Variants in ZNF8 observed in about 807,000 individuals in gnomAD.
ZNF8 encodes the protein zinc finger protein 8, also known as zinc finger protein 272.
In ZNF8, 9 loss-of-function variants were observed where a neutral mutation model predicts 12.2. The observed-to-expected ratio is 0.73, with a 90% CI of 0.44 to 1.28. The LOEUF (loss-of-function observed/expected upper bound fraction) is 1.28, where lower values mean the gene tolerates loss of function less well. Among genes scored for constraint, ZNF8 ranks in the 50% most tolerant of loss-of-function variants. ZNF8 has a pLI of 0.00. For synonymous variants in ZNF8, 274 were observed against 282.3 expected, an observed-to-expected ratio of 0.97 and a Z score of 0.30; for missense variants, 664 against 729.1, an observed-to-expected ratio of 0.91 and a Z score of 1.03.
chr19:58,279,501 A>C (rs2051332063), intron 1 of ZNF8: 3 of 1,483,030 alleles, frequency 2.0e-6, no homozygotes. Flanking sequence ...GTTGACTGAT[A>C]ACAGTAATTG....
At chr19:58,279,494 G>A (rs998688149) in intron 1 of ZNF8, 1 of 1,479,106 alleles carries the variant, frequency 6.8e-7, no homozygotes, top group Non-Finnish European at 8.9e-7. Flanking sequence ...TCCTCGTGTT[G>A]ACTGATAACA....
rs149035373 is a variant in ZNF8, at chr19:58,285,732, C to G, written c.82C>G (p.Arg28Gly). ...GATGTTTCAGGAACCAGTGACCTTCCGGGATGTGGCTGTGGACTTTACCCA... is the reference window on the plus strand; with the variant it reads ...GATGTTTCAGGAACCAGTGACCTTCGGGGATGTGGCTGTGGACTTTACCCA... Reference protein sequence around the residue: ...AARLQEPVTFRDVAVDFTQEE... With the variant: ...AARLQEPVTFGDVAVDFTQEE... The change falls in exon 2 of 4, where the codon CGG (arginine) becomes GGG (glycine). Residue 28 changes from arginine to glycine, a missense_variant. Transcript: ENST00000621650. The G allele has an allele frequency of 6.2e-7, 1 of 1,614,154 alleles. No individual in the cohort carries two copies. The highest frequency in any genetic ancestry group is 8.5e-7 in the Non-Finnish European group (1 of 1,180,028).
Position 58,295,491 on chromosome 19 carries a change from T to C in ZNF8, c.1683T>C (p.Pro561=). 8.7e-6 allele frequency: 14 copies of C among 1,609,506 alleles called. No individual in the cohort carries two copies. Among genetic ancestry groups the C allele is most frequent in the Non-Finnish European group, 1.2e-5 (14 of 1,177,706 alleles). ...TGCACGTTATTGGGGTGGAAGAGCC[T>C]TCTGTGGGTGCTTCCATGTTATTTG... is the stretch of plus-strand genomic sequence containing the variant. ...NPVHVIGVEE[P]SVGASMLFDI... is the part of the protein sequence containing the mutation. Residue 561 remains proline (P), a synonymous_variant, in exon 4 of 4, where the codon CCT becomes CCC. Transcript: ENST00000621650.
At chr19:58,279,896 T>C in intron 1 of ZNF8, 2 of 1,213,808 alleles carry the variant, frequency 1.6e-6, no homozygotes, top group Non-Finnish European at 2.1e-6. Context: ...TTATTTTTTG[T>C]CGTTGGTTTG....
intron 1 of ZNF8, among the ~76,000 whole-genome samples, chr19:58,284,239 A>T (rs1313726213): frequency 6.6e-6 from 1 of 151,962 alleles, no homozygotes; most frequent in Non-Finnish European, 1.5e-5. Context: ...AAAAAAAAAT[A>T]ATAAATTATT....
At position 58,293,536 on chromosome 19, in the gene ZNF8, C is replaced by A. The variant is rs192311408; in HGVS notation, c.290-562C>A. Among the ~76,000 whole-genome samples the A allele has an allele frequency of 8.9e-4, 135 of 152,252 alleles. 3 individuals are homozygous for A. The East Asian group carries it at 0.02, about 23-fold the overall frequency. On this transcript the variant is annotated intron_variant, in intron 3 of 3. Coordinates refer to ENST00000621650, the MANE Select transcript of ZNF8 (RefSeq NM_021089.3). ...AAGAGGGCTTGGGGAAAGCGGGAAG[C>A]CTGGCTTATAACAGAGTCCCTGTCC...
intron 3 of ZNF8, among the ~76,000 whole-genome samples, chr19:58,292,497 C>T (rs1023105036): frequency 7.2e-5 from 11 of 152,196 alleles, no homozygotes; most frequent in Non-Finnish European, 1.5e-4. Context: ...TCCCAAAGGC[C>T]TCATCTCCAA....
chr19:58,279,238 G>C, intron 1 of ZNF8, 91 bp downstream of exon 1: 2 of 1,535,372 alleles, frequency 1.3e-6, no homozygotes, highest in Non-Finnish European at 1.7e-6. Flanking sequence ...CGATGAGAGC[G>C]GCACCGCTGT....
rs1300446417 is a variant in ZNF8 at position 58,300,735 on chromosome 19, G to A, written c.*5199G>A. ...TGCTGCTTTTCTCCTTCAAGCTCTT[G>A]GGAGAATCGCTTGTGCTCCCTATTC... On this transcript the variant is annotated 3_prime_UTR_variant, in exon 4 of 4. Transcript: ENST00000621650. 6.6e-6 allele frequency: 1 copy of A among 152,210 alleles called. No homozygotes were observed. Among genetic ancestry groups the A allele is most frequent in the Non-Finnish European group, 1.5e-5 (1 of 68,076 alleles). The allele number at this position is 152,210 out of a possible 1,614,324, so 9.4% of individuals were successfully genotyped here. A position where few individuals can be genotyped will look rare whatever the true frequency, so the allele number is the denominator to read the frequency against.
rs768306369 is a variant in ZNF8, at chr19:58,294,985, G to A, written c.1177G>A (p.Glu393Lys). The change falls in exon 4 of 4, where the codon GAG (glutamate) becomes AAG (lysine). Residue 393 changes from glutamate to lysine, a missense_variant. By Grantham distance (56) the Glu-to-Lys change is moderately conservative. This residue lies in a region of ZNF8 where 133 missense variants were observed against 198.4 expected (regional missense o/e 0.67). Coordinates refer to ENST00000621650, the MANE Select transcript of ZNF8 (RefSeq NM_021089.3). The surrounding 1 kb of genome is among the most constrained non-coding windows in gnomAD (Gnocchi z 5.5). The stretch of plus-strand genomic sequence containing the variant: ...TTTCCTGCACCTGAGAACTCACACC[G>A]AGGAGAGGCCCTACGAGTGTAACCA... ...CLFLHLRTHT[E>K]ERPYECNHCG... The A allele has an allele frequency of 3.5e-5, 57 of 1,613,938 alleles. No individual in the cohort carries two copies. The highest frequency in any genetic ancestry group is 4.4e-5 in the Non-Finnish European group (52 of 1,179,964).
At chr19:58,285,977 C>T in intron 2 of ZNF8, 133 bp from the exon 3 acceptor site, 3 of 1,429,078 alleles carry the variant, frequency 2.1e-6, no homozygotes, top group Non-Finnish European at 2.9e-6. Flanking sequence ...TGCCCTTTTC[C>T]ATCACCATGC....
rs1050434377 is a variant in ZNF8, at chr19:58,298,505, A to C, written c.*2969A>C. 8 of 151,726 alleles carry C rather than the reference A, an allele frequency of 5.3e-5. No individual in the cohort carries two copies. The highest frequency in any genetic ancestry group is 1.9e-4 in the African/African-American group (8 of 41,256). The allele number at this position is 151,726 out of a possible 1,614,324, so 9.4% of individuals were successfully genotyped here. On this transcript the variant is annotated 3_prime_UTR_variant, in exon 4 of 4. Transcript: ENST00000621650. ...ACACCCGGCTAATTTTTGTATTTTTAGTAGAGATGGGGTTTTACCATGTTG... is the reference window on the plus strand; with the variant it reads ...ACACCCGGCTAATTTTTGTATTTTTCGTAGAGATGGGGTTTTACCATGTTG...
Position 58,285,699 on chromosome 19 carries a change from ATG to A in ZNF8, c.67-11_67-10del. 2.5e-6 allele frequency: 4 copies of A among 1,614,138 alleles called. No homozygotes were observed. The highest frequency in any genetic ancestry group is 2.2e-5 in the South Asian group (2 of 91,080). ...ATGGAGATAGTCCAGCTGATTGAGAATGTGTGTGATGTTTCAGGAACCAGTGA... is the reference window on the plus strand; with the variant it reads ...ATGGAGATAGTCCAGCTGATTGAGAATGTGTGATGTTTCAGGAACCAGTGA... On this transcript the variant is annotated splice_polypyrimidine_tract_variant and intron_variant, in intron 1 of 3. Coordinates refer to ENST00000621650, the MANE Select transcript of ZNF8 (RefSeq NM_021089.3).
Position 58,279,343 on chromosome 19 carries a change from C to G in ZNF8, c.66+196C>G, listed in dbSNP as rs1336429965. The G allele has an allele frequency of 2.0e-6, 3 of 1,473,966 alleles. No homozygotes were observed. The East Asian group carries it at 7.5e-5, about 37-fold the overall frequency. The allele number at this position is 1,473,966 out of a possible 1,614,324, so 91.3% of individuals were successfully genotyped here. Reference sequence around the variant, plus strand: ...AGGGGGCCGGGATTCCAACCAGGCGCCTGGCCCCCGAATGCGCATGCTCCA... The same window carrying G: ...AGGGGGCCGGGATTCCAACCAGGCGGCTGGCCCCCGAATGCGCATGCTCCA... On this transcript the variant is annotated intron_variant, in intron 1 of 3. Transcript: ENST00000621650.
At chr19:58,283,768 T>C (rs141639024) in intron 1 of ZNF8, among the ~76,000 whole-genome samples, 1 of 151,658 alleles carries the variant, frequency 6.6e-6, no homozygotes, top group South Asian at 2.1e-4. Context: ...CTCGGCTAAT[T>C]TTTTGTATTT....
In ZNF8 at chr19:58,295,643, T is replaced by A; in HGVS notation, c.*107T>A. 2 of 1,001,280 alleles carry A rather than the reference T, an allele frequency of 2.0e-6. No homozygotes were observed. Among genetic ancestry groups the A allele is most frequent in the East Asian group, 4.9e-5 (2 of 41,078 alleles). 62.0% of individuals were successfully genotyped at this position (1,001,280 alleles called of 1,614,324 possible). A position where few individuals can be genotyped will look rare whatever the true frequency, so the allele number is the denominator to read the frequency against. On this transcript the variant is annotated 3_prime_UTR_variant, in exon 4 of 4. Coordinates refer to ENST00000621650, the MANE Select transcript of ZNF8 (RefSeq NM_021089.3). The stretch of plus-strand genomic sequence containing the variant: ...GGGGGTAGAAATGTCATGGGTGACT[T>A]CTGACTTTCTAAGGAAATGATGCTT...
chr19:58,295,275 C>A lies in ZNF8; in HGVS notation c.1467C>A (p.His489Gln). Residue 489 changes from histidine (H) to glutamine (Q), a missense_variant, in exon 4 of 4, where the codon CAC (histidine) becomes CAA (glutamine). Physicochemically the swap from His to Gln is conservative, Grantham distance 24 (BLOSUM62 0). Around this residue, in one of 3 missense-constraint regions of ZNF8, gnomAD observed 225 missense variants for 222.0 expected, o/e 1.01. Transcript: ENST00000621650. ...ACCTCATCCGGCACCAGATAACTCA[C>A]ACCAGAGAGGAGCAGCCCCATGGGC... ...SSHLIRHQIT[H>Q]TREEQPHGRS... 1.9e-6 allele frequency: 3 copies of A among 1,614,252 alleles called. No homozygotes were observed. The highest frequency in any genetic ancestry group is 1.7e-6 in the Non-Finnish European group (2 of 1,180,042).
chr19:58,290,670 G>A (rs2051414140), intron 3 of ZNF8, among the ~76,000 whole-genome samples: 1 of 152,072 alleles, frequency 6.6e-6, no homozygotes, highest in Non-Finnish European at 1.5e-5. Flanking sequence ...TGAGCGGGGA[G>A]GATTGCTTAA....
In ZNF8 at chr19:58,297,395, A is replaced by C. The variant is rs188764484; in HGVS notation, c.*1859A>C. ...TACGGTTTTGCAGCATTCATAATTG[A>C]TGTGAAATAAGGAAGATAATCCTTT... On this transcript the variant is annotated 3_prime_UTR_variant, in exon 4 of 4. Transcript: ENST00000621650. The C allele has an allele frequency of 6.7e-6, 1 of 149,572 alleles. No homozygotes were observed. The highest frequency in any genetic ancestry group is 1.5e-5 in the Non-Finnish European group (1 of 67,422). The allele number at this position is 149,572 out of a possible 1,614,324, so 9.3% of individuals were successfully genotyped here.
Sources: allele counts gnomAD v4.1 joint callset (sites outside exome capture counted in the v4.1 genomes callset), GRCh38; gene constraint gnomAD v4.1.1; regional missense constraint gnomAD v4.1.1; non-coding constraint Gnocchi (gnomAD v3.1); transcripts MANE v1.5; gene names NCBI Gene and HGNC (gene_info 2026-07-23, HGNC 2026-07-21).